The following KHDC4 variants were observed in gnomAD, a reference collection of about 807,000 sequenced individuals.
The protein encoded by KHDC4 is KH homology domain-containing protein 4.
A neutral mutation model predicts 74.5 loss-of-function variants in KHDC4; 19 were observed. That is an observed-to-expected ratio of 0.26 (90% CI 0.18 to 0.37). KHDC4 has a LOEUF of 0.37. KHDC4 is among the 10% of genes least tolerant of loss of function. The pLI is 1.00. For missense variants in KHDC4, 632 were observed against 754.1 expected (o/e 0.84, Z 1.90); for synonymous variants, 253 against 266.1 (o/e 0.95, Z 0.48).
intron 5 of KHDC4, 109 bp from the exon 6 acceptor site, chr1:155,926,948 G>T: frequency 2.2e-6 from 3 of 1,369,266 alleles, no homozygotes; most frequent in Non-Finnish European, 3.1e-6. Context: ...ACCCAAATAT[G>T]TGGCTCTCCA....
Position 155,916,659 on chromosome 1 carries a change from C to T in KHDC4, c.1519G>A (p.Ala507Thr). The T allele has an allele frequency of 6.2e-7, 1 of 1,613,626 alleles. No homozygotes were observed. The highest frequency in any genetic ancestry group is 8.5e-7 in the Non-Finnish European group (1 of 1,179,886). Residue 507 changes from alanine (A) to threonine (T), a missense_variant, in exon 12 of 14, where the codon GCA becomes ACA. Ala to Thr is a moderately conservative substitution (Grantham distance 58). Coordinates refer to ENST00000368321, the MANE Select transcript of KHDC4 (RefSeq NM_014949.4). ...TCTCTCTCTTTGCCTGAGGAACTTGCTGGCTTCGATCCTGCACCTTCAATC... is the reference window on the plus strand; with the variant it reads ...TCTCTCTCTTTGCCTGAGGAACTTGTTGGCTTCGATCCTGCACCTTCAATC... The part of the protein sequence containing the change: ...NEIEGAGSKP[A>T]SSSGKERERD...
At chr1:155,933,981 A>C (rs1236200457) in intron 1 of KHDC4, 132 bp from the exon 2 acceptor site, 2 of 712,136 alleles carry the variant, frequency 2.8e-6, no homozygotes, top group Non-Finnish European at 4.4e-6. Flanking sequence ...TCCAAATCTA[A>C]AACTCCCCTC....
intron 12 of KHDC4, among the ~76,000 whole-genome samples, chr1:155,916,224 G>C (rs541024892): frequency 5.9e-5 from 9 of 152,148 alleles, no homozygotes; most frequent in Non-Finnish European, 1.3e-4. Context: ...ACTAATATAA[G>C]AAAGGAAAAT....
chr1:155,934,243 G>A lies in KHDC4; in HGVS notation c.38+93C>T, dbSNP rs1041255702. On this transcript the variant is annotated intron_variant, in intron 1 of 13. Transcript: ENST00000368321. ...GTCCAGCCCTTTACTTCCCACTTAA[G>A]GACCCTTCCACCCTATACGCAGCTT... 12 of 1,330,962 alleles carry A rather than the reference G, an allele frequency of 9.0e-6. No homozygotes were observed. The Admixed American group carries it at 9.7e-5, about 11-fold the overall frequency. The allele number at this position is 1,330,962 out of a possible 1,614,324, so 82.4% of individuals were successfully genotyped here.
intron 11 of KHDC4, 166 bp from the exon 12 acceptor site, chr1:155,916,903 ATTTT>A (rs3831284): frequency 1.9e-4 from 84 of 454,032 alleles, no homozygotes; most frequent in African/African-American, 1.6e-3. Flanking sequence ...AAAAGTAGGG[ATTTT>A]TTTTTTTCTC....
At chr1:155,931,862 TCATTTA>T (rs1287093473) in intron 2 of KHDC4, among the ~76,000 whole-genome samples, 2 of 152,210 alleles carry the variant, frequency 1.3e-5, no homozygotes, top group African/African-American at 4.8e-5. Context: ...CTTATAGTAT[TCATTTA>T]CATTATCATC....
At chr1:155,923,572 A>C in intron 8 of KHDC4, 55 bp downstream of exon 8, 2 of 1,297,590 alleles carry the variant, frequency 1.5e-6, no homozygotes, top group Non-Finnish European at 2.2e-6. Context: ...CAGCTAAGAC[A>C]TACTCCAAAA....
rs201231570 is a variant in KHDC4 at position 155,920,717 on chromosome 1, AG to A, written c.1266+657del. Among the ~76,000 whole-genome samples the A allele has an allele frequency of 6.3e-3, 958 of 152,142 alleles. 10 individuals are homozygous for A. Among genetic ancestry groups the A allele is most frequent in the African/African-American group, 0.022 (924 of 41,502 alleles). On this transcript the variant is annotated intron_variant, in intron 10 of 13. Coordinates refer to ENST00000368321, the MANE Select transcript of KHDC4 (RefSeq NM_014949.4). ...ACCATGTCCAGTTAATTTTTTTTGT[AG>A]AGATGGAGTCTCACTATGTTGCCTA...
At position 155,921,912 on chromosome 1, in the gene KHDC4, C is replaced by T. The variant is rs745573906; in HGVS notation, c.961G>A (p.Ala321Thr). ...TGATTCACAAATCTAGAGTATTCAGCATGAACCTGAAAGAGAGGGGGAAAC... is the reference window on the plus strand; with the variant it reads ...TGATTCACAAATCTAGAGTATTCAGTATGAACCTGAAAGAGAGGGGGAAAC... ...LCENLLQTVH[A>T]EYSRFVNQIN... Residue 321 changes from alanine (A) to threonine (T), a missense_variant, in exon 9 of 14, where the codon GCT becomes ACT. Ala to Thr is a moderately conservative substitution (Grantham distance 58). This residue lies in a region of KHDC4 where 233 missense variants were observed against 342.6 expected (regional missense o/e 0.68). Coordinates refer to ENST00000368321, the MANE Select transcript of KHDC4 (RefSeq NM_014949.4). 8 of 1,606,194 alleles carry T rather than the reference C, an allele frequency of 5.0e-6. No individual in the cohort carries two copies. The highest frequency in any genetic ancestry group is 6.8e-6 in the Non-Finnish European group (8 of 1,173,586).
In KHDC4 at chr1:155,926,794, T is replaced by A; in HGVS notation, c.563A>T (p.Lys188Ile). The change falls in exon 6 of 14, where the codon AAA becomes ATA. Residue 188 changes from lysine (K) to isoleucine (I), a missense_variant. Transcript: ENST00000368321. ...AGTTGGACTTGTTCCTGTGGCAGCT[T>A]TTACCACTCCATTGGTGATAATTTC... Reference protein sequence around the residue: ...IKEIITNGVVKAATGTSPTFN... With the variant: ...IKEIITNGVVIAATGTSPTFN... 2 of 1,614,182 alleles carry A rather than the reference T, an allele frequency of 1.2e-6. No homozygotes were observed. Among genetic ancestry groups the A allele is most frequent in the Non-Finnish European group, 1.7e-6 (2 of 1,180,022 alleles).
intron 10 of KHDC4, chr1:155,920,034 C>A: frequency 1.9e-6 from 1 of 513,472 alleles, no homozygotes; most frequent in Admixed American, 2.0e-5. Context: ...CACCATAAAT[C>A]CATTACCATG....
chr1:155,926,132 T>C (rs771211996), intron 6 of KHDC4: 4 of 590,148 alleles, frequency 6.8e-6, no homozygotes, highest in South Asian at 1.4e-5. Flanking sequence ...AACTTCAAAA[T>C]GTACAACATG....
chr1:155,927,119 G>T lies in KHDC4; in HGVS notation c.502C>A (p.Arg168=), dbSNP rs202053954. Residue 168 remains arginine (R), a synonymous_variant, in exon 5 of 14, where the codon CGG becomes AGG. Transcript: ENST00000368321. ...CATTACTTACTGTCCACTAATTCCC[G>T]TGTCTGGCCCTGAACATGAAGATAT... ...PLYLHVQGQT[R]ELVDRAVNRI... is the part of the protein sequence containing the mutation. The T allele has an allele frequency of 6.2e-6, 10 of 1,613,650 alleles. No individual in the cohort carries two copies. The South Asian group carries it at 1.1e-4, about 18-fold the overall frequency.
At chr1:155,930,852 T>C (rs902185095) in intron 2 of KHDC4, among the ~76,000 whole-genome samples, 3 of 152,062 alleles carry the variant, frequency 2.0e-5, no homozygotes, top group African/African-American at 7.2e-5. Context: ...CCGTCTCTAG[T>C]AAACATACAA....
rs765480733 is a variant in KHDC4 at position 155,933,741 on chromosome 1, T to C, written c.147A>G (p.Thr49=). The C allele has an allele frequency of 6.2e-7, 1 of 1,608,094 alleles. No individual in the cohort carries two copies. ...TSSGGSPGGT[T]AAPSGALDAA... ...CATCCAAGGCTCCTGAAGGAGCAGC[T>C]GTGGTGCCCCCAGGACTTCCCCCAC... is the stretch of plus-strand genomic sequence containing the variant. The change falls in exon 2 of 14, where the codon ACA becomes ACG. Residue 49 remains threonine, a synonymous_variant. Coordinates refer to ENST00000368321, the MANE Select transcript of KHDC4 (RefSeq NM_014949.4).
In KHDC4 at chr1:155,913,313, T is replaced by C. The variant is rs1017594337; in HGVS notation, c.*808A>G. ...TTCAGTCATTAAGTCCAAAATCCTA[T>C]AGCCAGCAGTCAGATCTCTCTGTTT... On this transcript the variant is annotated 3_prime_UTR_variant, in exon 14 of 14. Coordinates refer to ENST00000368321, the MANE Select transcript of KHDC4 (RefSeq NM_014949.4). The C allele has an allele frequency of 2.6e-5, 4 of 152,604 alleles. No homozygotes were observed. Among genetic ancestry groups the C allele is most frequent in the Non-Finnish European group, 5.9e-5 (4 of 68,056 alleles). The allele number at this position is 152,604 out of a possible 1,614,324, so 9.5% of individuals were successfully genotyped here.
In KHDC4 at chr1:155,915,854, C is replaced by G. The variant is rs759177197; in HGVS notation, c.1645+19G>C. The G allele has an allele frequency of 6.7e-7, 1 of 1,503,492 alleles. No individual in the cohort carries two copies. The highest frequency in any genetic ancestry group is 9.1e-7 in the Non-Finnish European group (1 of 1,093,346). The allele number at this position is 1,503,492 out of a possible 1,614,324, so 93.1% of individuals were successfully genotyped here. On this transcript the variant is annotated intron_variant, in intron 13 of 13. Coordinates refer to ENST00000368321, the MANE Select transcript of KHDC4 (RefSeq NM_014949.4). The stretch of plus-strand genomic sequence containing the variant: ...CAGTCTTAGCCACTCCCCTGTTCCC[C>G]CAGCTATATCACACTCACCATGGCT...
At position 155,914,331 on chromosome 1, in the gene KHDC4, G is replaced by C. The variant is rs772142134; in HGVS notation, c.1646-11C>G. The C allele has an allele frequency of 1.3e-6, 2 of 1,552,516 alleles. No homozygotes were observed. The highest frequency in any genetic ancestry group is 1.7e-6 in the Non-Finnish European group (2 of 1,145,774). ...TCTTGGCTGGATAATCTAGAATAGA[G>C]AAAAAACAACCCCAACCCCATCCCC... On this transcript the variant is annotated splice_polypyrimidine_tract_variant and intron_variant, in intron 13 of 13. Transcript: ENST00000368321.
At chr1:155,922,161 TTTTTGA>T in intron 8 of KHDC4, 3 of 374,684 alleles carry the variant, frequency 8.0e-6, no homozygotes, top group Non-Finnish European at 9.8e-6. Flanking sequence ...TTTTTTTTTT[TTTTTGA>T]GACAGTCTCA....
Sources: allele counts gnomAD v4.1 joint callset (sites outside exome capture counted in the v4.1 genomes callset), GRCh38; gene constraint gnomAD v4.1.1; regional missense constraint gnomAD v4.1.1; transcripts MANE v1.5; gene names NCBI Gene and HGNC (gene_info 2026-07-23, HGNC 2026-07-21).